The following EBF2 variants were observed in gnomAD, a reference collection of about 807,000 sequenced individuals.
EBF2 encodes the protein transcription factor COE2.
EBF2 carries 21 observed loss-of-function variants against 72.8 expected under a neutral mutation model. The ratio of observed to expected loss-of-function variants is 0.29; its 90% confidence interval spans 0.20 to 0.42. The LOEUF is 0.42. Ranked by LOEUF, EBF2 falls within the 10% of genes least tolerant of loss-of-function variation. The pLI is 1.00. For synonymous variants in EBF2, 299 were observed against 274.2 expected (o/e 1.09, Z -0.89); for missense variants, 637 against 731.2 (o/e 0.87, Z 1.49).
In EBF2 at chr8:25,912,404, T is replaced by A. The variant is rs537084731; in HGVS notation, c.552-3849A>T. On this transcript the variant is annotated intron_variant, in intron 6 of 15. Coordinates refer to ENST00000520164, the MANE Select transcript of EBF2 (RefSeq NM_022659.4). Reference sequence around the variant, plus strand: ...CACTTTGAATGGGTTTCCTTTGTAATATGTAAGTTATATCTCAATACACCT... The same window carrying A: ...CACTTTGAATGGGTTTCCTTTGTAAAATGTAAGTTATATCTCAATACACCT... 1.3e-4 allele frequency among the ~76,000 whole-genome samples: 19 copies of A among 150,984 alleles called. No homozygotes were observed. The South Asian group carries it at 3.6e-3, about 28-fold the overall frequency.
intron 6 of EBF2, among the ~76,000 whole-genome samples, chr8:25,962,116 A>G (rs1266617789): frequency 6.6e-6 from 1 of 152,194 alleles, no homozygotes; most frequent in Non-Finnish European, 1.5e-5. Flanking sequence ...TACACGTCTT[A>G]CTTGTTTTCT....
intron 7 of EBF2, among the ~76,000 whole-genome samples, chr8:25,901,091 A>T (rs1802944139): frequency 6.6e-6 from 1 of 152,162 alleles, no homozygotes. Context: ...TATTGCATGT[A>T]CCCCATAAAG....
chr8:26,006,553 T>A (rs1804885656), intron 6 of EBF2, among the ~76,000 whole-genome samples: 1 of 152,228 alleles, frequency 6.6e-6, no homozygotes, highest in African/African-American at 2.4e-5. Context: ...CTTATGACTC[T>A]ATATTTAAAT....
At chr8:25,880,387 T>G (rs1423304233) in intron 10 of EBF2, among the ~76,000 whole-genome samples, 1 of 152,224 alleles carries the variant, frequency 6.6e-6, no homozygotes, top group African/African-American at 2.4e-5. Context: ...ATAAAAATAT[T>G]TAATTTGAAT....
chr8:25,847,534 G>T (rs1353961243), intron 15 of EBF2, among the ~76,000 whole-genome samples: 5 of 152,136 alleles, frequency 3.3e-5, no homozygotes, highest in Non-Finnish European at 7.3e-5. Context: ...GTCAACCCTC[G>T]CCTCCTCCCA....
intron 7 of EBF2, among the ~76,000 whole-genome samples, chr8:25,892,062 T>A (rs1322879223): frequency 6.6e-6 from 1 of 152,122 alleles, no homozygotes; most frequent in Admixed American, 6.5e-5. Flanking sequence ...ATCCAAGAGG[T>A]CTATGCTCTA....
intron 5 of EBF2, among the ~76,000 whole-genome samples, chr8:26,034,545 G>T (rs1490486130): frequency 1.3e-5 from 2 of 152,178 alleles, no homozygotes; most frequent in Admixed American, 1.3e-4. Flanking sequence ...AAAATACCTA[G>T]ACAAATGTGA....
intron 6 of EBF2, among the ~76,000 whole-genome samples, chr8:25,957,200 C>A (rs71517863): frequency 1.3e-5 from 2 of 152,118 alleles, no homozygotes; most frequent in African/African-American, 2.4e-5. Context: ...CCATTTCCCC[C>A]CCAAGAGCAA....
chr8:25,926,186 C>A (rs1204074766), intron 6 of EBF2, among the ~76,000 whole-genome samples: 1 of 152,090 alleles, frequency 6.6e-6, no homozygotes, highest in East Asian at 1.9e-4. Flanking sequence ...GGCCACAATA[C>A]AACATGGGAG....
chr8:26,026,782 T>G (rs1025386475), intron 6 of EBF2, among the ~76,000 whole-genome samples: 2 of 152,188 alleles, frequency 1.3e-5, no homozygotes, highest in South Asian at 4.1e-4. Context: ...TTCTTCCTAT[T>G]ACACCAAAAT....
chr8:25,919,217 G>C (rs1295341835), intron 6 of EBF2, among the ~76,000 whole-genome samples: 1 of 152,122 alleles, frequency 6.6e-6, no homozygotes, highest in African/African-American at 2.4e-5. Context: ...AATAAACCAG[G>C]ATCAGCAGAG....
intron 6 of EBF2, among the ~76,000 whole-genome samples, chr8:26,006,456 T>A (rs1426340030): frequency 6.6e-6 from 1 of 152,230 alleles, no homozygotes; most frequent in Non-Finnish European, 1.5e-5. Context: ...ACGAAATAGA[T>A]TGCTCAGGTC....
chr8:25,917,389 G>A (rs1803235934), intron 6 of EBF2, among the ~76,000 whole-genome samples: 1 of 152,124 alleles, frequency 6.6e-6, no homozygotes, highest in South Asian at 2.1e-4. Flanking sequence ...ATTGGAATGA[G>A]ACACACACTA....
At position 25,886,327 on chromosome 8, in the gene EBF2, T is replaced by C. The variant is rs537230280; in HGVS notation, c.1009+428A>G. ...TGATACAAAGTAGAAATTTAACAAA[T>C]ATTGACTAATATATGATGTTTACCT... is the stretch of plus-strand genomic sequence containing the variant. On this transcript the variant is annotated intron_variant, in intron 10 of 15. Coordinates refer to ENST00000520164, the MANE Select transcript of EBF2 (RefSeq NM_022659.4). 1.7e-4 allele frequency among the ~76,000 whole-genome samples: 26 copies of C among 152,344 alleles called. No individual in the cohort carries two copies. The South Asian group carries it at 3.1e-3, about 18-fold the overall frequency.
At chr8:25,965,413 A>G (rs930669816) in intron 6 of EBF2, among the ~76,000 whole-genome samples, 19 of 152,216 alleles carry the variant, frequency 1.2e-4, no homozygotes, top group Admixed American at 1.0e-3. Context: ...TAGCTCACCA[A>G]CAAGGGCAAG....
In EBF2 at chr8:26,006,300, T is replaced by TC. The variant is rs1380694476; in HGVS notation, c.551+26784dup. ...TGTAGGCACATTTTACAGAGTAGTATCTACAACAGAGATCAACATGTGTTC... is the reference window on the plus strand; with the variant it reads ...TGTAGGCACATTTTACAGAGTAGTATCCTACAACAGAGATCAACATGTGTTC... On this transcript the variant is annotated intron_variant, in intron 6 of 15. Coordinates refer to ENST00000520164, the MANE Select transcript of EBF2 (RefSeq NM_022659.4). 2.0e-5 allele frequency among the ~76,000 whole-genome samples: 3 copies of TC among 152,310 alleles called. No individual in the cohort carries two copies. The East Asian group carries it at 5.8e-4, about 29-fold the overall frequency.
intron 6 of EBF2, among the ~76,000 whole-genome samples, chr8:25,934,255 A>G (rs1295332837): frequency 6.6e-6 from 1 of 151,522 alleles, no homozygotes; most frequent in Non-Finnish European, 1.5e-5. Flanking sequence ...ACACACACAC[A>G]CACACACACA....
chr8:25,996,707 A>G (rs1394426957), intron 6 of EBF2, among the ~76,000 whole-genome samples: 1 of 152,146 alleles, frequency 6.6e-6, no homozygotes, highest in Non-Finnish European at 1.5e-5. Context: ...AAAGTAGACC[A>G]TAATTAAGCA....
chr8:25,921,490 T>A (rs1252717853), intron 6 of EBF2, among the ~76,000 whole-genome samples: 1 of 152,180 alleles, frequency 6.6e-6, no homozygotes, highest in African/African-American at 2.4e-5. Context: ...CCAACCCCTA[T>A]ATCTGTACAA....
Sources: allele counts gnomAD v4.1 joint callset (sites outside exome capture counted in the v4.1 genomes callset), GRCh38; gene constraint gnomAD v4.1.1; transcripts MANE v1.5; gene names NCBI Gene and HGNC (gene_info 2026-07-23, HGNC 2026-07-21).